DVL3: variants seen among roughly 807,000 people sequenced by gnomAD.
DVL3 encodes segment polarity protein dishevelled homolog DVL-3.
In DVL3, 27 loss-of-function variants were observed where a neutral mutation model predicts 67.4. That is an observed-to-expected ratio of 0.40 (90% CI 0.30 to 0.55). The LOEUF is 0.55. DVL3 is among the 20% of genes least tolerant of loss of function. The pLI is 0.46. For synonymous variants in DVL3, 369 were observed against 396.8 expected, an observed-to-expected ratio of 0.93 and a Z score of 0.83; for missense variants, 819 against 1,021.5, an observed-to-expected ratio of 0.80 and a Z score of 2.70.
chr3:184,162,273 G>T (rs1714407444), intron 1 of DVL3, among the ~76,000 whole-genome samples: 1 of 151,324 alleles, frequency 6.6e-6, no homozygotes, highest in Admixed American at 6.6e-5. Flanking sequence ...GAACTCCTAG[G>T]CTCAAGCGAT....
At chr3:184,156,743 C>A in intron 1 of DVL3, 1 of 284,944 alleles carries the variant, frequency 3.5e-6, no homozygotes, top group East Asian at 9.7e-5. Context: ...CCCCCCAACT[C>A]CCAGGAGACT....
At chr3:184,159,829 G>A (rs1714319734) in intron 1 of DVL3, among the ~76,000 whole-genome samples, 1 of 152,216 alleles carries the variant, frequency 6.6e-6, no homozygotes. Flanking sequence ...CTCTGGGTCT[G>A]ATGTTTCATG....
At position 184,170,520 on chromosome 3, in the gene DVL3, C is replaced by G. The variant is rs1454155124; in HGVS notation, c.1916C>G (p.Ser639Cys). 9 of 1,609,176 alleles carry G rather than the reference C, an allele frequency of 5.6e-6. No individual in the cohort carries two copies. Among genetic ancestry groups the G allele is most frequent in the Non-Finnish European group, 6.8e-6 (8 of 1,177,762 alleles). The change falls in exon 15 of 15, where the codon TCC (serine) becomes TGC (cysteine). Residue 639 changes from serine (S) to cysteine (C), a missense_variant. By Grantham distance (112) the Ser-to-Cys change is moderately radical (BLOSUM62 -1). This residue lies in a region of DVL3 where 324 missense variants were observed against 331.3 expected (regional missense o/e 0.98). Transcript: ENST00000313143. The surrounding 1 kb of genome is among the most constrained non-coding windows in gnomAD (Gnocchi z 6.5). Reference protein sequence around the residue: ...ASEHSHRSHHSLASSLRSHHT... With the variant: ...ASEHSHRSHHCLASSLRSHHT... ...GAGCACAGCCACCGCAGCCACCATT[C>G]CCTGGCCAGCAGCCTTCGCAGCCAC... is the stretch of plus-strand genomic sequence containing the variant.
Position 184,170,189 on chromosome 3 carries a change from G to A in DVL3, c.1682G>A (p.Gly561Asp), listed in dbSNP as rs768658829. 6.2e-7 allele frequency: 1 copy of A among 1,611,570 alleles called. No individual in the cohort carries two copies. Among genetic ancestry groups the A allele is most frequent in the South Asian group, 1.1e-5 (1 of 91,046 alleles). Residue 561 changes from glycine (G) to aspartate (D), a missense_variant, in exon 14 of 15, where the codon GGC becomes GAC. Gly to Asp is a moderately conservative substitution (Grantham distance 94, BLOSUM62 -1). Coordinates refer to ENST00000313143, the MANE Select transcript of DVL3 (RefSeq NM_004423.4). The surrounding 1 kb of genome is among the most constrained non-coding windows in gnomAD (Gnocchi z 6.5). ...TTCCCGGAGCTGGGCTACAGCTACG[G>A]CGGGGGCAGCGCCAGCAGTCAGCAC... Reference protein sequence around the residue: ...PGFPELGYSYGGGSASSQHSE... With the variant: ...PGFPELGYSYDGGSASSQHSE...
chr3:184,156,695 G>GC (rs1311783197), intron 1 of DVL3: 1 of 325,130 alleles, frequency 3.1e-6, no homozygotes, highest in Non-Finnish European at 6.1e-6. Flanking sequence ...GAAGCAGCTG[G>GC]CCTGGGAAGA....
Position 184,167,119 on chromosome 3 carries a change from TC to T in DVL3, c.1198+149del. The stretch of plus-strand genomic sequence containing the variant: ...CATTCCAGCAACCCCACACTGCAAC[TC>T]CCCCACAGCGGGCACTCCAACCCTC... On this transcript the variant is annotated intron_variant, in intron 11 of 14. Transcript: ENST00000313143. The surrounding 1 kb of genome is among the most constrained non-coding windows in gnomAD (Gnocchi z 4.6). The T allele has an allele frequency of 9.6e-7, 1 of 1,044,912 alleles. No homozygotes were observed. Among genetic ancestry groups the T allele is most frequent in the Non-Finnish European group, 1.4e-6 (1 of 717,190 alleles). 64.7% of individuals were successfully genotyped at this position (1,044,912 alleles called of 1,614,324 possible). A position where few individuals can be genotyped will look rare whatever the true frequency, so the allele number is the denominator to read the frequency against.
Position 184,167,966 on chromosome 3 carries a change from T to C in DVL3, c.1399T>C (p.Tyr467His). 1 of 1,614,252 alleles carries C rather than the reference T, an allele frequency of 6.2e-7. No homozygotes were observed. The highest frequency in any genetic ancestry group is 1.1e-5 in the South Asian group (1 of 91,084). ...CACGGACCGGAGGGAGGCCCGCAAG[T>C]ATGCCAGCAACCTGCTGAAAGCTGG... ...GFTDRREARK[Y>H]ASNLLKAGFI... The change falls in exon 13 of 15, where the codon TAT becomes CAT. Residue 467 changes from tyrosine (Y) to histidine (H), a missense_variant. Around this residue, in one of 3 missense-constraint regions of DVL3, gnomAD observed 110 missense variants for 203.4 expected, o/e 0.54. Transcript: ENST00000313143. This position sits in a 1 kb window ranked among gnomAD's most constrained non-coding sequence, Gnocchi z 4.6.
At chr3:184,156,317 C>G (rs1251796565) in intron 1 of DVL3, 2 of 456,298 alleles carry the variant, frequency 4.4e-6, no homozygotes, top group Non-Finnish European at 8.8e-6. Flanking sequence ...GGTGCTCGGG[C>G]GCCTGGCCGC....
At position 184,165,405 on chromosome 3, in the gene DVL3, G is replaced by A; in HGVS notation, c.694-17G>A. ...CTGCCACCTCCACCTGCTGCTCAGGGCCTCTGTCTATTCCAGTCCTCGTCC... is the reference window on the plus strand; with the variant it reads ...CTGCCACCTCCACCTGCTGCTCAGGACCTCTGTCTATTCCAGTCCTCGTCC... On this transcript the variant is annotated splice_polypyrimidine_tract_variant and intron_variant, in intron 6 of 14. Coordinates refer to ENST00000313143, the MANE Select transcript of DVL3 (RefSeq NM_004423.4). This position sits in a 1 kb window ranked among gnomAD's most constrained non-coding sequence, Gnocchi z 4.1. 5 of 1,613,630 alleles carry A rather than the reference G, an allele frequency of 3.1e-6. No individual in the cohort carries two copies. The highest frequency in any genetic ancestry group is 4.2e-6 in the Non-Finnish European group (5 of 1,179,718).
Position 184,155,822 on chromosome 3 carries a change from CG to C in DVL3, c.161+29del. 6.3e-7 allele frequency: 1 copy of C among 1,584,658 alleles called. No individual in the cohort carries two copies. ...GTGAGGATGGCCCCCGCCCCGCCTC[CG>C]GGAGCCCCGGCCGCTCTGGCTTCTA... On this transcript the variant is annotated intron_variant, in intron 1 of 14. Coordinates refer to ENST00000313143, the MANE Select transcript of DVL3 (RefSeq NM_004423.4). The surrounding 1 kb of genome is among the most constrained non-coding windows in gnomAD (Gnocchi z 5.4).
intron 13 of DVL3, among the ~76,000 whole-genome samples, 189 bp from the exon 14 acceptor site, chr3:184,169,817 G>A (rs949653230): frequency 6.6e-6 from 1 of 152,212 alleles, no homozygotes; most frequent in African/African-American, 2.4e-5. Flanking sequence ...GTTGTCCTGA[G>A]AAGGGTCTCC....
intron 1 of DVL3, among the ~76,000 whole-genome samples, chr3:184,158,466 G>A (rs1005635116): frequency 1.3e-5 from 2 of 152,074 alleles, no homozygotes; most frequent in Non-Finnish European, 2.9e-5. Flanking sequence ...ATCCTTAATC[G>A]CACAATTTTA....
Position 184,171,328 on chromosome 3 carries a change from G to C in DVL3, c.*573G>C. Reference sequence around the variant, plus strand: ...CCTAAAGCTGTAGTCGCCTCCAATAGCCATCCATGCCATCCCTGCCTGTGC... The same window carrying C: ...CCTAAAGCTGTAGTCGCCTCCAATACCCATCCATGCCATCCCTGCCTGTGC... On this transcript the variant is annotated 3_prime_UTR_variant, in exon 15 of 15. Coordinates refer to ENST00000313143, the MANE Select transcript of DVL3 (RefSeq NM_004423.4). The C allele has an allele frequency of 9.8e-7, 1 of 1,019,844 alleles. No individual in the cohort carries two copies. The highest frequency in any genetic ancestry group is 1.7e-5 in the African/African-American group (1 of 57,562). 63.2% of individuals were successfully genotyped at this position (1,019,844 alleles called of 1,614,324 possible). A position where few individuals can be genotyped will look rare whatever the true frequency, so the allele number is the denominator to read the frequency against.
chr3:184,171,627 G>A lies in DVL3; in HGVS notation c.*872G>A, dbSNP rs767645463. ...CCCAGCGAGGGGAGGCCCAGCCTCC[G>A]AGGAGACCAGGAACCCTGCTTCAGC... On this transcript the variant is annotated 3_prime_UTR_variant, in exon 15 of 15. Coordinates refer to ENST00000313143, the MANE Select transcript of DVL3 (RefSeq NM_004423.4). 45 of 983,164 alleles carry A rather than the reference G, an allele frequency of 4.6e-5. 1 individual carries two copies. The Middle Eastern group carries it at 2.6e-3, about 57-fold the overall frequency. 60.9% of individuals were successfully genotyped at this position (983,164 alleles called of 1,614,324 possible). A position where few individuals can be genotyped will look rare whatever the true frequency, so the allele number is the denominator to read the frequency against.
At chr3:184,157,226 A>G (rs907355745) in intron 1 of DVL3, among the ~76,000 whole-genome samples, 1 of 152,108 alleles carries the variant, frequency 6.6e-6, no homozygotes, top group African/African-American at 2.4e-5. Context: ...GATTCTGAGG[A>G]GGGATGGATC....
In DVL3 at chr3:184,166,003, T is replaced by C. The variant is rs970319502; in HGVS notation, c.764-123T>C. 5.0e-6 allele frequency: 6 copies of C among 1,188,578 alleles called. No homozygotes were observed. The African/African-American group carries it at 9.2e-5, about 18-fold the overall frequency. 73.6% of individuals were successfully genotyped at this position (1,188,578 alleles called of 1,614,324 possible). On this transcript the variant is annotated intron_variant, in intron 7 of 14. Transcript: ENST00000313143. This position sits in a 1 kb window ranked among gnomAD's most constrained non-coding sequence, Gnocchi z 6.7. The stretch of plus-strand genomic sequence containing the variant: ...TGGAAGCATGTTTGAGCATGCTGAG[T>C]GCAGTGCCTGATTCAGGATCAGCAA...
Position 184,164,332 on chromosome 3 carries a change from G to A in DVL3, c.297G>A (p.Leu99=), listed in dbSNP as rs771100860. The A allele has an allele frequency of 1.9e-6, 3 of 1,613,984 alleles. No homozygotes were observed. The highest frequency in any genetic ancestry group is 1.3e-5 in the African/African-American group (1 of 74,896). The change falls in exon 3 of 15, where the codon CTG becomes CTA. Residue 99 remains leucine, a synonymous_variant. Coordinates refer to ENST00000313143, the MANE Select transcript of DVL3 (RefSeq NM_004423.4). This position sits in a 1 kb window ranked among gnomAD's most constrained non-coding sequence, Gnocchi z 5.3. ...TCTGTGCTGATAACCCATCGGAGCT[G>A]CCACCACCTATGGAGCGCACGGGAG... The part of the protein sequence containing the change: ...APFCADNPSE[L]PPPMERTGGI...
intron 1 of DVL3, among the ~76,000 whole-genome samples, chr3:184,161,000 G>A (rs547510033): frequency 1.3e-5 from 2 of 152,320 alleles, no homozygotes; most frequent in African/African-American, 4.8e-5. Flanking sequence ...TGTGGCTCTG[G>A]GAATGATAGA....
Position 184,167,892 on chromosome 3 carries a change from C to A in DVL3, c.1331-6C>A. On this transcript the variant is annotated splice_polypyrimidine_tract_variant and splice_region_variant and intron_variant, in intron 12 of 14. Coordinates refer to ENST00000313143, the MANE Select transcript of DVL3 (RefSeq NM_004423.4). This position sits in a 1 kb window ranked among gnomAD's most constrained non-coding sequence, Gnocchi z 4.6. ...CCTCCCCATCAACTGGCAGCCTTGT[C>A]CCCAGGCTCAGATGTGGTGGACTGG... The A allele has an allele frequency of 6.2e-7, 1 of 1,614,224 alleles. No individual in the cohort carries two copies. Among genetic ancestry groups the A allele is most frequent in the Non-Finnish European group, 8.5e-7 (1 of 1,180,040 alleles).
Sources: gnomAD v4.1 joint callset for allele counts (sites outside exome capture counted in the v4.1 genomes callset) on GRCh38, gnomAD v4.1.1 for gene constraint, gnomAD v4.1.1 regional missense constraint, Gnocchi (gnomAD v3.1) non-coding constraint, MANE v1.5 for transcripts, NCBI Gene and HGNC (gene_info 2026-07-23, HGNC 2026-07-21) for gene names.